Variants in GNG7 observed in about 807,000 individuals in gnomAD.
The protein encoded by GNG7 is guanine nucleotide-binding protein G(I)/G(S)/G(O) subunit gamma-7.
GNG7 carries 1 observed loss-of-function variant against 4.0 expected under a neutral mutation model. The ratio of observed to expected loss-of-function variants is 0.25; its 90% CI spans 0.09 to 1.18. The LOEUF (loss-of-function observed/expected upper bound fraction) is 1.18. Ranked by LOEUF, GNG7 falls within the 50% of genes most tolerant of loss-of-function variation. The probability of loss-of-function intolerance (pLI) is 0.50; values close to 1 mark genes in which losing one functional copy is unlikely to be tolerated. For synonymous variants in GNG7, 34 were observed against 36.9 expected, an observed-to-expected ratio of 0.92 and a Z score of 0.29; for missense variants, 86 against 91.9, an observed-to-expected ratio of 0.94 and a Z score of 0.26.
intron 2 of GNG7, among the ~76,000 whole-genome samples, chr19:2,606,360 A>T (rs1240851217): frequency 1.3e-5 from 2 of 151,696 alleles, no homozygotes; most frequent in Admixed American, 6.6e-5. Context: ...TGACAAAGTT[A>T]GACTCTGTTT....
intron 1 of GNG7, among the ~76,000 whole-genome samples, chr19:2,651,266 T>TTCCTTCCC (rs1982808388): frequency 9.0e-6 from 1 of 111,670 alleles, no homozygotes; most frequent in Non-Finnish European, 1.9e-5. Flanking sequence ...CCTTCCTTCC[T>TTCCTTCCC]TCCTTCCCTC....
At chr19:2,575,596 C>A (rs1281958011) in intron 2 of GNG7, among the ~76,000 whole-genome samples, 2 of 114,794 alleles carry the variant, frequency 1.7e-5, no homozygotes, top group Non-Finnish European at 3.6e-5. Context: ...CACGCAGACA[C>A]GCAGGCACAC....
intron 1 of GNG7, among the ~76,000 whole-genome samples, chr19:2,679,895 C>G (rs1005523654): frequency 6.6e-6 from 1 of 152,172 alleles, no homozygotes; most frequent in Non-Finnish European, 1.5e-5. Context: ...TGAAGAAACT[C>G]AAAATCCAAT....
At chr19:2,602,626 C>T (rs1423173777) in intron 2 of GNG7, among the ~76,000 whole-genome samples, 3 of 152,372 alleles carry the variant, frequency 2.0e-5, no homozygotes, top group Admixed American at 6.5e-5. Context: ...CGAACCACTA[C>T]GCAATCGTCA....
chr19:2,596,665 T>TCC (rs150945390), intron 2 of GNG7, among the ~76,000 whole-genome samples: 6,280 of 143,816 alleles, frequency 0.044, 418 homozygotes, highest in African/African-American at 0.15. Flanking sequence ...TGAGACCCTG[T>TCC]CCCCCCCCCA....
intron 2 of GNG7, among the ~76,000 whole-genome samples, chr19:2,562,359 C>T (rs1979770159): frequency 6.6e-6 from 1 of 151,982 alleles, no homozygotes; most frequent in African/African-American, 2.4e-5. Context: ...TCTCGGCTCA[C>T]TGCAACCTCC....
intron 2 of GNG7, among the ~76,000 whole-genome samples, chr19:2,577,744 T>C (rs1980385316): frequency 1.3e-5 from 2 of 151,278 alleles, no homozygotes; most frequent in African/African-American, 4.9e-5. Flanking sequence ...TTTTACATAT[T>C]ATATATGCAT....
intron 2 of GNG7, among the ~76,000 whole-genome samples, chr19:2,602,901 C>CTTTCTTTCCTTCT (rs1555697048): frequency 6.7e-6 from 1 of 148,844 alleles, no homozygotes; most frequent in Non-Finnish European, 1.5e-5. Context: ...TTCTCTTTTT[C>CTTTCTTTCCTTCT]TTTCTTTCTT....
chr19:2,648,032 A>AC (rs1982713806), intron 1 of GNG7, among the ~76,000 whole-genome samples: 2 of 149,682 alleles, frequency 1.3e-5, no homozygotes, highest in Non-Finnish European at 3.0e-5. Flanking sequence ...TGTCTCAAAA[A>AC]AAAAAAAAAA....
intron 1 of GNG7, among the ~76,000 whole-genome samples, chr19:2,683,230 C>T (rs1472082491): frequency 7.2e-6 from 1 of 139,464 alleles, no homozygotes; most frequent in Non-Finnish European, 1.6e-5. Context: ...CAGAGAAAGA[C>T]TCCGTCTCAA....
intron 3 of GNG7, among the ~76,000 whole-genome samples, chr19:2,545,994 A>G (rs1979113078): frequency 6.9e-6 from 1 of 145,656 alleles, no homozygotes; most frequent in Admixed American, 6.9e-5. Context: ...CAAACGAAAA[A>G]GAAAGGTGCA....
chr19:2,610,910 C>G (rs1981538899), intron 2 of GNG7: 1 of 148,314 alleles, frequency 6.7e-6, no homozygotes, highest in Admixed American at 6.9e-5. Flanking sequence ...AGACACCTGT[C>G]TCCTGGGCAC....
intron 2 of GNG7, among the ~76,000 whole-genome samples, chr19:2,596,510 TA>T (rs900421818): frequency 7.2e-4 from 109 of 151,092 alleles, no homozygotes; most frequent in Middle Eastern, 3.4e-3. Context: ...CAATTAAAAT[TA>T]AAAAAAAATT....
At chr19:2,596,857 G>C (rs1981037952) in intron 2 of GNG7, among the ~76,000 whole-genome samples, 2 of 152,012 alleles carry the variant, frequency 1.3e-5, no homozygotes, top group African/African-American at 4.8e-5. Flanking sequence ...TTCTCAACAG[G>C]GTGAACATCA....
rs564143695 is a variant in GNG7, at chr19:2,591,740, C to T, written c.-77-36552G>A. 2.0e-5 allele frequency among the ~76,000 whole-genome samples: 3 copies of T among 152,136 alleles called. No individual in the cohort carries two copies. In the East Asian group the frequency reaches 5.8e-4, roughly 29 times the overall value. Reference sequence around the variant, plus strand: ...TAGTGCCTGTCATATGTAAAGAGCACCTACAAATCAATAAGAAAAACTCAA... The same window carrying T: ...TAGTGCCTGTCATATGTAAAGAGCATCTACAAATCAATAAGAAAAACTCAA... On this transcript the variant is annotated intron_variant, in intron 2 of 4. Transcript: ENST00000382159.
chr19:2,599,515 G>A (rs1981135717), intron 2 of GNG7, among the ~76,000 whole-genome samples: 1 of 152,066 alleles, frequency 6.6e-6, no homozygotes, highest in African/African-American at 2.4e-5. Flanking sequence ...GCGTCACTCC[G>A]CCTGCCTGAT....
chr19:2,565,626 C>T (rs929656501), intron 2 of GNG7, among the ~76,000 whole-genome samples: 4 of 152,120 alleles, frequency 2.6e-5, no homozygotes, highest in African/African-American at 7.2e-5. Flanking sequence ...GGAACCAGTT[C>T]GCCCAGGGTT....
At chr19:2,527,745 C>G (rs1978452375) in intron 3 of GNG7, among the ~76,000 whole-genome samples, 1 of 151,626 alleles carries the variant, frequency 6.6e-6, no homozygotes, top group Non-Finnish European at 1.5e-5. Flanking sequence ...GGGCAGCATC[C>G]CTGGTCTCCA....
intron 2 of GNG7, among the ~76,000 whole-genome samples, chr19:2,635,235 G>A (rs1982276131): frequency 6.6e-6 from 1 of 152,214 alleles, no homozygotes; most frequent in Non-Finnish European, 1.5e-5. Context: ...ACAGGTGGGT[G>A]CAGGTGCCCC....
Sources: allele counts gnomAD v4.1 joint callset (sites outside exome capture counted in the v4.1 genomes callset), GRCh38; gene constraint gnomAD v4.1.1; transcripts MANE v1.5; gene names NCBI Gene and HGNC (gene_info 2026-07-23, HGNC 2026-07-21).